Variants in CTNNBIP1 observed in about 807,000 individuals in gnomAD.
The protein encoded by CTNNBIP1 is catenin beta interacting protein 1.
CTNNBIP1 carries 7 observed loss-of-function variants against 11.8 expected under a neutral mutation model. The observed-to-expected ratio is 0.60, with a 90% CI of 0.34 to 1.12. The LOEUF is 1.12. CTNNBIP1 is among the 50% of genes most tolerant of loss of function. The probability of loss-of-function intolerance (pLI) is 0.03; values close to 1 mark genes in which losing one functional copy is unlikely to be tolerated. For missense variants in CTNNBIP1, 101 were observed against 113.4 expected (o/e 0.89, Z 0.50); for synonymous variants, 58 against 43.9 (o/e 1.32, Z -1.26).
chr1:9,899,694 G>A (rs1009896427), intron 1 of CTNNBIP1, among the ~76,000 whole-genome samples: 1 of 152,028 alleles, frequency 6.6e-6, no homozygotes, highest in African/African-American at 2.4e-5. Context: ...GGGAGGCGGA[G>A]GTTGCAGTGA....
chr1:9,906,813 G>A (rs1055353665), intron 1 of CTNNBIP1, among the ~76,000 whole-genome samples: 2 of 152,200 alleles, frequency 1.3e-5, no homozygotes, highest in Non-Finnish European at 2.9e-5. Context: ...GTCTTGGTGC[G>A]ATGAGATGCC....
chr1:9,879,108 A>T (rs1030377498), intron 2 of CTNNBIP1, among the ~76,000 whole-genome samples: 1 of 152,002 alleles, frequency 6.6e-6, no homozygotes, highest in Non-Finnish European at 1.5e-5. Context: ...GAGGCAGGAG[A>T]ATCGGTTGAA....
intron 1 of CTNNBIP1, among the ~76,000 whole-genome samples, chr1:9,886,857 A>G (rs1570588077): frequency 6.6e-6 from 1 of 152,234 alleles, no homozygotes; most frequent in East Asian, 1.9e-4. Flanking sequence ...CACACGCTCC[A>G]CTCTCAGTAA....
intron 1 of CTNNBIP1, among the ~76,000 whole-genome samples, chr1:9,896,013 T>C (rs1313682831): frequency 6.6e-6 from 1 of 152,196 alleles, no homozygotes; most frequent in Non-Finnish European, 1.5e-5. Flanking sequence ...CCCCCTCAAT[T>C]TGGCCTTCAC....
intron 1 of CTNNBIP1, among the ~76,000 whole-genome samples, chr1:9,884,857 A>G (rs929047757): frequency 1.1e-4 from 16 of 151,908 alleles, no homozygotes; most frequent in Non-Finnish European, 2.2e-4. Flanking sequence ...GGAGTTGGGG[A>G]GCAGAGCTGG....
intron 2 of CTNNBIP1, among the ~76,000 whole-genome samples, chr1:9,878,818 A>G (rs1639023542): frequency 6.6e-6 from 1 of 152,204 alleles, no homozygotes; most frequent in Non-Finnish European, 1.5e-5. Flanking sequence ...TCACATCTCC[A>G]AGGCATGTAT....
intron 2 of CTNNBIP1, among the ~76,000 whole-genome samples, chr1:9,879,505 T>G (rs993296079): frequency 6.6e-6 from 1 of 152,198 alleles, no homozygotes; most frequent in African/African-American, 2.4e-5. Flanking sequence ...TGTGTGTCCC[T>G]TTAACCAGCA....
chr1:9,880,237 T>C (rs1639055206), intron 2 of CTNNBIP1, among the ~76,000 whole-genome samples: 1 of 152,198 alleles, frequency 6.6e-6, no homozygotes, highest in East Asian at 1.9e-4. Flanking sequence ...TGTTTGGTTT[T>C]CTGTTCCTGT....
rs1342199547 is a variant in CTNNBIP1, at chr1:9,897,782, C to T, written c.-144+12313G>A. Among the ~76,000 whole-genome samples the T allele has an allele frequency of 2.6e-5, 4 of 152,002 alleles. No homozygotes were observed. In the East Asian group the frequency reaches 7.7e-4, roughly 29 times the overall value. ...TGCGCTGAGATCGTGCCACTGTATTCCAGCCTGTGTGAAGAGTGAGACTCC... is the reference window on the plus strand; with the variant it reads ...TGCGCTGAGATCGTGCCACTGTATTTCAGCCTGTGTGAAGAGTGAGACTCC... On this transcript the variant is annotated intron_variant, in intron 1 of 5. Coordinates refer to ENST00000377263, the MANE Select transcript of CTNNBIP1 (RefSeq NM_020248.3).
intron 2 of CTNNBIP1, among the ~76,000 whole-genome samples, chr1:9,878,343 G>C (rs971388496): frequency 2.0e-5 from 3 of 152,192 alleles, no homozygotes; most frequent in Non-Finnish European, 4.4e-5. Context: ...CATCACTCCA[G>C]GAAAGTTGAT....
At chr1:9,852,175 G>A (rs977034542) in intron 5 of CTNNBIP1, among the ~76,000 whole-genome samples, 7 of 152,122 alleles carry the variant, frequency 4.6e-5, no homozygotes, top group Admixed American at 4.6e-4. Context: ...TCAGTGAGCC[G>A]GGTCTCCCCC....
chr1:9,857,208 C>T (rs1026606220), intron 5 of CTNNBIP1, among the ~76,000 whole-genome samples: 10 of 152,022 alleles, frequency 6.6e-5, no homozygotes, highest in African/African-American at 1.2e-4. Flanking sequence ...TGGCTGGGCG[C>T]GGTGGCTCAC....
intron 1 of CTNNBIP1, among the ~76,000 whole-genome samples, chr1:9,905,509 G>C (rs567605337): frequency 6.6e-6 from 1 of 151,282 alleles, no homozygotes; most frequent in Non-Finnish European, 1.5e-5. Context: ...TGCAAGCTCC[G>C]CCTCCCGGGT....
At chr1:9,870,265 C>T (rs1280841083) in intron 5 of CTNNBIP1, among the ~76,000 whole-genome samples, 1 of 152,240 alleles carries the variant, frequency 6.6e-6, no homozygotes, top group Non-Finnish European at 1.5e-5. Flanking sequence ...ATTTCATGGC[C>T]AATCATTCCA....
At chr1:9,880,613 C>T (rs746330377) in intron 2 of CTNNBIP1, among the ~76,000 whole-genome samples, 2 of 152,198 alleles carry the variant, frequency 1.3e-5, no homozygotes, top group Non-Finnish European at 2.9e-5. Flanking sequence ...GAAAGCGTTC[C>T]TATTTCTCCA....
At position 9,849,556 on chromosome 1, in the gene CTNNBIP1, A is replaced by C. The variant is rs982951078; in HGVS notation, c.*1162T>G. On this transcript the variant is annotated 3_prime_UTR_variant, in exon 6 of 6. Coordinates refer to ENST00000377263, the MANE Select transcript of CTNNBIP1 (RefSeq NM_020248.3). Reference sequence around the variant, plus strand: ...CCTTGTGAGCCAAGCTGGGGCTTTTATGTGGGTTCTGGGCTCCCAGAGACC... The same window carrying C: ...CCTTGTGAGCCAAGCTGGGGCTTTTCTGTGGGTTCTGGGCTCCCAGAGACC... 1 of 152,170 alleles carries C rather than the reference A, an allele frequency of 6.6e-6. No individual in the cohort carries two copies. The highest frequency in any genetic ancestry group is 1.5e-5 in the Non-Finnish European group (1 of 68,056). The allele number at this position is 152,170 out of a possible 1,614,324, so 9.4% of individuals were successfully genotyped here. A position where few individuals can be genotyped will look rare whatever the true frequency, so the allele number is the denominator to read the frequency against.
At chr1:9,852,147 GAGTGAGCCGGCCTCCACTC>G (rs997336359) in intron 5 of CTNNBIP1, among the ~76,000 whole-genome samples, 1 of 152,164 alleles carries the variant, frequency 6.6e-6, no homozygotes, top group Admixed American at 6.5e-5. Context: ...GGAGTCAGCA[GAGTGAGCCGGCCTCCACTC>G]AGTGAGCCGG....
At chr1:9,898,836 C>T (rs12043673) in intron 1 of CTNNBIP1, among the ~76,000 whole-genome samples, 27,972 of 152,114 alleles carry the variant, frequency 0.18, 3,455 homozygotes, top group East Asian at 0.52. Context: ...CTAGATTATT[C>T]ACAGTACCTG....
intron 5 of CTNNBIP1, among the ~76,000 whole-genome samples, chr1:9,860,363 G>A (rs997276025): frequency 6.6e-6 from 1 of 150,748 alleles, no homozygotes; most frequent in African/African-American, 2.4e-5. Flanking sequence ...TGCTGAGGCG[G>A]GTGGATCACC....
Sources: gnomAD v4.1 joint callset for allele counts (sites outside exome capture counted in the v4.1 genomes callset) on GRCh38, gnomAD v4.1.1 for gene constraint, MANE v1.5 for transcripts, NCBI Gene and HGNC (gene_info 2026-07-23, HGNC 2026-07-21) for gene names.